RAB26: variants seen among roughly 807,000 people sequenced by gnomAD.
RAB26 encodes ras-related protein Rab-26.
A neutral mutation model predicts 33.1 loss-of-function variants in RAB26; 39 were observed. The ratio of observed to expected loss-of-function variants is 1.18; its 90% confidence interval spans 0.91 to 1.54. The LOEUF is 1.54. Among genes scored for constraint, RAB26 ranks in the 40% most tolerant of loss-of-function variants. RAB26 has a pLI of 0.00. For synonymous variants in RAB26, 192 were observed against 151.9 expected, an observed-to-expected ratio of 1.26 and a Z score of -1.94; for missense variants, 468 against 362.9, an observed-to-expected ratio of 1.29 and a Z score of -2.35.
At position 2,149,989 on chromosome 16, in the gene RAB26, C is replaced by T. The variant is rs1293774921; in HGVS notation, c.244C>T (p.Arg82Ter). Reference sequence around the variant, plus strand: ...TGTGGGGAAGACCTGTCTGCTGGTGCGATTCAAGGATGGTGCTTTCCTGGC... The same window carrying T: ...TGTGGGGAAGACCTGTCTGCTGGTGTGATTCAAGGATGGTGCTTTCCTGGC... ...SGVGKTCLLV[R>*]FKDGAFLAGT... Residue 82 changes from arginine to a stop codon, truncating the protein, a stop_gained, in exon 2 of 9, where the codon CGA becomes TGA. Coordinates refer to ENST00000210187, the MANE Select transcript of RAB26 (RefSeq NM_014353.5). LOFTEE classifies it high-confidence loss of function. 5.2e-6 allele frequency: 8 copies of T among 1,543,678 alleles called. No homozygotes were observed. The highest frequency in any genetic ancestry group is 6.1e-6 in the Non-Finnish European group (7 of 1,143,338).
intron 1 of RAB26, 89 bp from the exon 2 acceptor site, chr16:2,149,852 C>A: frequency 9.6e-7 from 1 of 1,042,678 alleles, no homozygotes. Context: ...GGCTGCCTCC[C>A]TCCACTCCTG....
At chr16:2,151,356 G>T (rs149412064) in intron 2 of RAB26, 2 of 649,052 alleles carry the variant, frequency 3.1e-6, no homozygotes, top group Non-Finnish European at 5.5e-6. Context: ...ATAAGTCAGC[G>T]TAAGAGGCTC....
Position 2,151,763 on chromosome 16 carries a change from T to C in RAB26, c.415+2T>C. The C allele has an allele frequency of 1.2e-6, 2 of 1,613,954 alleles. No individual in the cohort carries two copies. Among genetic ancestry groups the C allele is most frequent in the Non-Finnish European group, 1.7e-6 (2 of 1,180,004 alleles). On this transcript the variant is annotated splice_donor_variant, in intron 4 of 8. Transcript: ENST00000210187. LOFTEE classifies it high-confidence loss of function. ...ATGCCTACTACCGGGATGCTCATGG[T>C]GAGCCCCTGGGTACCTGGGCTGGTT...
chr16:2,149,931 C>G lies in RAB26; in HGVS notation c.196-10C>G. 6.6e-7 allele frequency: 1 copy of G among 1,516,672 alleles called. No individual in the cohort carries two copies. Among genetic ancestry groups the G allele is most frequent in the Non-Finnish European group, 8.9e-7 (1 of 1,129,860 alleles). The allele number at this position is 1,516,672 out of a possible 1,614,324, so 94.0% of individuals were successfully genotyped here. ...GACCAGACTCCCCCCAACCCTCCTG[C>G]TTGTCCTAGGTCATGCTGGTGGGGG... On this transcript the variant is annotated splice_polypyrimidine_tract_variant and intron_variant, in intron 1 of 8. Coordinates refer to ENST00000210187, the MANE Select transcript of RAB26 (RefSeq NM_014353.5).
In RAB26 at chr16:2,153,064, G is replaced by A. The variant is rs777444956; in HGVS notation, c.591+19G>A. 9 of 1,611,670 alleles carry A rather than the reference G, an allele frequency of 5.6e-6. No homozygotes were observed. The highest frequency in any genetic ancestry group is 7.6e-6 in the Non-Finnish European group (9 of 1,178,660). On this transcript the variant is annotated intron_variant, in intron 7 of 8. Coordinates refer to ENST00000210187, the MANE Select transcript of RAB26 (RefSeq NM_014353.5). ...GGCCAAGGTGAGTCAGGGCAGGGGGGTGGTGAGGGGGTGCCCCTGGAGGCT... is the reference window on the plus strand; with the variant it reads ...GGCCAAGGTGAGTCAGGGCAGGGGGATGGTGAGGGGGTGCCCCTGGAGGCT...
Position 2,148,843 on chromosome 16 carries a change from GC to G in RAB26, c.63del (p.Thr22ProfsTer76). The G allele has an allele frequency of 1.4e-6, 2 of 1,414,622 alleles. No individual in the cohort carries two copies. Among genetic ancestry groups the G allele is most frequent in the South Asian group, 1.5e-5 (1 of 65,332 alleles). 87.6% of individuals were successfully genotyped at this position (1,414,622 alleles called of 1,614,324 possible). A position where few individuals can be genotyped will look rare whatever the true frequency, so the allele number is the denominator to read the frequency against. On this transcript the variant is annotated frameshift_variant, in exon 1 of 9. Coordinates refer to ENST00000210187, the MANE Select transcript of RAB26 (RefSeq NM_014353.5). LOFTEE classifies it high-confidence loss of function. ...GASTPAASTL[P>X]TANGARPARS... ...CCAGCACCCCCGCTGCCTCCACGCT[GC>G]CCACCGCCAACGGGGCCCGACCGGC...
At chr16:2,152,528 G>T (rs1282176127) in intron 5 of RAB26, among the ~76,000 whole-genome samples, 1 of 151,952 alleles carries the variant, frequency 6.6e-6, no homozygotes, top group Non-Finnish European at 1.5e-5. Context: ...AAAATTAGCT[G>T]GGCGTGGTGG....
rs998849996 is a variant in RAB26, at chr16:2,149,112, G to T, written c.195+134G>T. On this transcript the variant is annotated intron_variant, in intron 1 of 8. Coordinates refer to ENST00000210187, the MANE Select transcript of RAB26 (RefSeq NM_014353.5). The stretch of plus-strand genomic sequence containing the variant: ...GCCGACGCGGGAGGAACCCCGTGGG[G>T]CTTGCACGGTGCATCGTGCACACAC... The T allele has an allele frequency of 4.3e-6, 4 of 924,730 alleles. No homozygotes were observed. The African/African-American group carries it at 5.2e-5, about 12-fold the overall frequency. 57.3% of individuals were successfully genotyped at this position (924,730 alleles called of 1,614,324 possible).
chr16:2,148,528 G>T (rs917098263), upstream of RAB26: 1 of 153,878 alleles, frequency 6.5e-6, no homozygotes, highest in African/African-American at 2.4e-5. Context: ...GCCGAGCGGG[G>T]GTGTATTTGC....
Position 2,153,435 on chromosome 16 carries a change from C to T in RAB26, c.*14C>T. 1 of 1,612,354 alleles carries T rather than the reference C, an allele frequency of 6.2e-7. No homozygotes were observed. Among genetic ancestry groups the T allele is most frequent in the Non-Finnish European group, 8.5e-7 (1 of 1,179,298 alleles). ...TGCCGCCCTTGAACCTGGCTGAGCT[C>T]AGTCCTCTGGAGGAAGCCGTCCAGT... On this transcript the variant is annotated 3_prime_UTR_variant, in exon 9 of 9. Coordinates refer to ENST00000210187, the MANE Select transcript of RAB26 (RefSeq NM_014353.5).
Position 2,153,600 on chromosome 16 carries a change from T to G in RAB26, c.*179T>G, listed in dbSNP as rs557797688. 5.8e-4 allele frequency: 387 copies of G among 672,996 alleles called. 4 individuals carry two copies. The South Asian group carries it at 6.4e-3, about 11-fold the overall frequency. 41.7% of individuals were successfully genotyped at this position (672,996 alleles called of 1,614,324 possible). A position where few individuals can be genotyped will look rare whatever the true frequency, so the allele number is the denominator to read the frequency against. On this transcript the variant is annotated 3_prime_UTR_variant, in exon 9 of 9. Transcript: ENST00000210187. ...CAGCAACAGTCCCAACAAGCAGGCT[T>G]CTGAGAGCCCGTGGCCGCACACTGG...
intron 5 of RAB26, among the ~76,000 whole-genome samples, chr16:2,152,212 C>G (rs985469599): frequency 6.6e-6 from 1 of 152,224 alleles, no homozygotes; most frequent in African/African-American, 2.4e-5. Flanking sequence ...GAGTTCGAGA[C>G]CAGCCTGGCC....
intron 8 of RAB26, 23 bp downstream of exon 8, chr16:2,153,245 A>G (rs1596659245): frequency 6.2e-7 from 1 of 1,613,050 alleles, no homozygotes; most frequent in Admixed American, 1.7e-5. Context: ...AGTCACCAGG[A>G]CTCCCCCAGC....
chr16:2,153,766 G>A lies in RAB26; in HGVS notation c.*345G>A, dbSNP rs892867814. 4 of 502,646 alleles carry A rather than the reference G, an allele frequency of 8.0e-6. No homozygotes were observed. Among genetic ancestry groups the A allele is most frequent in the Non-Finnish European group, 1.6e-5 (4 of 258,026 alleles). The allele number at this position is 502,646 out of a possible 1,614,324, so 31.1% of individuals were successfully genotyped here. On this transcript the variant is annotated 3_prime_UTR_variant, in exon 9 of 9. Coordinates refer to ENST00000210187, the MANE Select transcript of RAB26 (RefSeq NM_014353.5). ...GCACCACGCACAGTGCCTAACCCTAGAAAAGCCATGTCTTCAGCCGCACAT... is the reference window on the plus strand; with the variant it reads ...GCACCACGCACAGTGCCTAACCCTAAAAAAGCCATGTCTTCAGCCGCACAT...
Position 2,151,766 on chromosome 16 carries a change from G to GTACCTGGGCTA in RAB26, c.415+5_415+6insTACCTGGGCTA. The GTACCTGGGCTA allele has an allele frequency of 6.2e-7, 1 of 1,613,976 alleles. No individual in the cohort carries two copies. The highest frequency in any genetic ancestry group is 8.5e-7 in the Non-Finnish European group (1 of 1,180,016). On this transcript the variant is annotated splice_donor_region_variant and intron_variant, in intron 4 of 8. Coordinates refer to ENST00000210187, the MANE Select transcript of RAB26 (RefSeq NM_014353.5). ...CCTACTACCGGGATGCTCATGGTGAGCCCCTGGGTACCTGGGCTGGTTGGG... is the reference window on the plus strand; with the variant it reads ...CCTACTACCGGGATGCTCATGGTGAGTACCTGGGCTACCCCTGGGTACCTGGGCTGGTTGGG...
At chr16:2,151,392 C>T (rs745348708) in intron 2 of RAB26, 177 bp from the exon 3 acceptor site, 19 of 753,934 alleles carry the variant, frequency 2.5e-5, no homozygotes, top group Non-Finnish European at 3.6e-5. Flanking sequence ...CAGAGGCTGC[C>T]GGGAGAGGCC....
rs776769290 is a variant in RAB26 at position 2,151,746 on chromosome 16, T to C, written c.400T>C (p.Tyr134His). The change falls in exon 4 of 9, where the codon TAC (tyrosine) becomes CAC (histidine). Residue 134 changes from tyrosine to histidine, a missense_variant. Physicochemically the swap from Tyr to His is moderately conservative, Grantham distance 83 (BLOSUM62 2). Coordinates refer to ENST00000210187, the MANE Select transcript of RAB26 (RefSeq NM_014353.5). ...GTTCCGCAGTGTTACCCATGCCTACTACCGGGATGCTCATGGTGAGCCCCT... is the reference window on the plus strand; with the variant it reads ...GTTCCGCAGTGTTACCCATGCCTACCACCGGGATGCTCATGGTGAGCCCCT... ...ERFRSVTHAY[Y>H]RDAHALLLLY... The C allele has an allele frequency of 1.2e-6, 2 of 1,613,978 alleles. No individual in the cohort carries two copies. The highest frequency in any genetic ancestry group is 1.7e-6 in the Non-Finnish European group (2 of 1,180,012).
Position 2,152,830 on chromosome 16 carries a change from CCGAGATCCA to C in RAB26, c.484_492del (p.Ile162_Glu164del). On this transcript the variant is annotated inframe_deletion, in exon 6 of 9. Coordinates refer to ENST00000210187, the MANE Select transcript of RAB26 (RefSeq NM_014353.5). ...TGCTGCCTCCCACAGGCCTGGCTGA[CCGAGATCCA>C]CGAGTACGCCCAGCACGACGTGGCG... 3 of 1,606,706 alleles carry C rather than the reference CCGAGATCCA, an allele frequency of 1.9e-6. No individual in the cohort carries two copies. The highest frequency in any genetic ancestry group is 2.5e-6 in the Non-Finnish European group (3 of 1,177,996).
In RAB26 at chr16:2,153,684, C is replaced by T; in HGVS notation, c.*263C>T. 1 of 629,154 alleles carries T rather than the reference C, an allele frequency of 1.6e-6. No homozygotes were observed. Among genetic ancestry groups the T allele is most frequent in the Non-Finnish European group, 2.9e-6 (1 of 339,026 alleles). The allele number at this position is 629,154 out of a possible 1,614,324, so 39.0% of individuals were successfully genotyped here. A position where few individuals can be genotyped will look rare whatever the true frequency, so the allele number is the denominator to read the frequency against. On this transcript the variant is annotated 3_prime_UTR_variant, in exon 9 of 9. Coordinates refer to ENST00000210187, the MANE Select transcript of RAB26 (RefSeq NM_014353.5). Reference sequence around the variant, plus strand: ...GGGAGCGGCAAGTGGACAGACTTTGCCACGGTGCTCTGCTGCCCCCTCCTG... The same window carrying T: ...GGGAGCGGCAAGTGGACAGACTTTGTCACGGTGCTCTGCTGCCCCCTCCTG...
Sources: gnomAD v4.1 joint callset for allele counts (sites outside exome capture counted in the v4.1 genomes callset) on GRCh38, gnomAD v4.1.1 for gene constraint, MANE v1.5 for transcripts, NCBI Gene and HGNC (gene_info 2026-07-23, HGNC 2026-07-21) for gene names.